UBN1: variants seen among roughly 807,000 people sequenced by gnomAD.
UBN1 encodes the protein ubinuclein 1.
A neutral mutation model predicts 108.5 loss-of-function variants in UBN1; 17 were observed. That is an observed-to-expected ratio of 0.16 (90% CI 0.11 to 0.24). The LOEUF is 0.24. Among genes scored for constraint, UBN1 ranks in the 10% least tolerant of loss-of-function variants. The pLI is 1.00. For missense variants in UBN1, 1,595 were observed against 1,394.4 expected (o/e 1.14, Z -2.29); for synonymous variants, 726 against 564.2 (o/e 1.29, Z -4.07).
intron 8 of UBN1, among the ~76,000 whole-genome samples, 177 bp downstream of exon 8, chr16:4,869,080 C>T (rs922828382): frequency 2.0e-5 from 3 of 152,178 alleles, no homozygotes; most frequent in African/African-American, 7.2e-5. Context: ...AAAATCAAAA[C>T]ACAACAGGGA....
intron 7 of UBN1, among the ~76,000 whole-genome samples, chr16:4,863,664 C>G (rs117606461): frequency 1.7e-3 from 252 of 152,184 alleles, no homozygotes; most frequent in Non-Finnish European, 3.1e-3. Flanking sequence ...TACATCTTGG[C>G]CCTAGGTGAC....
At chr16:4,863,587 C>A (rs1011553819) in intron 7 of UBN1, among the ~76,000 whole-genome samples, 1 of 152,094 alleles carries the variant, frequency 6.6e-6, no homozygotes, top group South Asian at 2.1e-4. Flanking sequence ...TTACGTGTTT[C>A]TCACTTTATT....
chr16:4,849,724 C>T (rs1481898688), intron 1 of UBN1, among the ~76,000 whole-genome samples: 4 of 151,536 alleles, frequency 2.6e-5, no homozygotes, highest in Non-Finnish European at 5.9e-5. Flanking sequence ...TCCTTAGTAG[C>T]CAAGACTACA....
chr16:4,870,862 A>G lies in UBN1; in HGVS notation c.1449A>G (p.Lys483=), dbSNP rs371408275. 4.3e-6 allele frequency: 7 copies of G among 1,613,882 alleles called. No homozygotes were observed. The highest frequency in any genetic ancestry group is 3.3e-5 in the Admixed American group (2 of 59,986). The part of the protein sequence containing the change: ...AKVAKMLEEE[K]DKEQRDRICS... ...CCCGTAGGATGCTGGAAGAGGAGAAAGACAAGGAGCAGAGGGACCGGATTT... is the reference window on the plus strand; with the variant it reads ...CCCGTAGGATGCTGGAAGAGGAGAAGGACAAGGAGCAGAGGGACCGGATTT... Residue 483 remains lysine (K), a synonymous_variant, in exon 11 of 18, where the codon AAA becomes AAG. Coordinates refer to ENST00000262376, the MANE Select transcript of UBN1 (RefSeq NM_001079514.3).
intron 2 of UBN1, among the ~76,000 whole-genome samples, chr16:4,856,363 A>G (rs1397398070): frequency 6.6e-6 from 1 of 152,236 alleles, no homozygotes; most frequent in Non-Finnish European, 1.5e-5. Flanking sequence ...AGTGTTAAAA[A>G]TACAATAAAA....
chr16:4,864,887 G>C (rs1246703633), intron 7 of UBN1, among the ~76,000 whole-genome samples: 1 of 152,028 alleles, frequency 6.6e-6, no homozygotes, highest in East Asian at 1.9e-4. Flanking sequence ...AAAACAACTT[G>C]TTTGATCTTT....
At position 4,877,461 on chromosome 16, in the gene UBN1, G is replaced by A. The variant is rs150536550; in HGVS notation, c.3342G>A (p.Pro1114=). The A allele has an allele frequency of 1.4e-4, 229 of 1,610,234 alleles. No homozygotes were observed. In the African/African-American group the frequency reaches 2.3e-3, roughly 16 times the overall value. The part of the protein sequence containing the change: ...LPHAAVPTHI[P]QSLPGASQLH... Reference sequence around the variant, plus strand: ...ACGCTGCGGTGCCCACCCATATCCCGCAGAGTCTGCCAGGTAATCACCCGA... The same window carrying A: ...ACGCTGCGGTGCCCACCCATATCCCACAGAGTCTGCCAGGTAATCACCCGA... Residue 1114 remains proline, a synonymous_variant, in exon 17 of 18, where the codon CCG becomes CCA. Coordinates refer to ENST00000262376, the MANE Select transcript of UBN1 (RefSeq NM_001079514.3). This position sits in a 1 kb window ranked among gnomAD's most constrained non-coding sequence, Gnocchi z 4.3.
Position 4,870,831 on chromosome 16 carries a change from A to C in UBN1, c.1431-13A>C, listed in dbSNP as rs59219971. On this transcript the variant is annotated splice_polypyrimidine_tract_variant and intron_variant, in intron 10 of 17. Transcript: ENST00000262376. The stretch of plus-strand genomic sequence containing the variant: ...GCACCTTGGGGCCCCATGTAATTCT[A>C]TTCACCCCGTAGGATGCTGGAAGAG... 9.5e-5 allele frequency: 154 copies of C among 1,613,002 alleles called. No individual in the cohort carries two copies. The African/African-American group carries it at 1.8e-3, about 18-fold the overall frequency.
intron 1 of UBN1, among the ~76,000 whole-genome samples, chr16:4,850,376 CAG>C (rs778150345): frequency 6.6e-6 from 1 of 152,190 alleles, no homozygotes; most frequent in African/African-American, 2.4e-5. Context: ...ACTGCCTGGA[CAG>C]GGGGAGTAGG....
chr16:4,857,065 G>C lies in UBN1; in HGVS notation c.250-925G>C, dbSNP rs188546273. ...AATTAGGATTCCTGGCTCCTGGCTG[G>C]GTGTGGTGGCTCTCGCCTGTAATCC... On this transcript the variant is annotated intron_variant, in intron 2 of 17. Coordinates refer to ENST00000262376, the MANE Select transcript of UBN1 (RefSeq NM_001079514.3). Among the ~76,000 whole-genome samples the C allele has an allele frequency of 3.3e-5, 5 of 152,192 alleles. No individual in the cohort carries two copies. The East Asian group carries it at 9.6e-4, about 29-fold the overall frequency.
chr16:4,860,599 G>A (rs974756691), intron 6 of UBN1, 65 bp from the exon 7 acceptor site: 3 of 1,494,810 alleles, frequency 2.0e-6, no homozygotes, highest in Non-Finnish European at 2.7e-6. Context: ...CAGGGGTGAA[G>A]GCCTCTGGAG....
At chr16:4,865,621 G>A (rs1312302229) in intron 7 of UBN1, among the ~76,000 whole-genome samples, 3 of 152,034 alleles carry the variant, frequency 2.0e-5, no homozygotes, top group Non-Finnish European at 4.4e-5. Flanking sequence ...TATGAGCTGC[G>A]ATCACGTCAC....
chr16:4,863,727 G>A (rs2087180417), intron 7 of UBN1, among the ~76,000 whole-genome samples: 1 of 152,098 alleles, frequency 6.6e-6, no homozygotes. Context: ...AATTTGCCTT[G>A]TCATAGCAGT....
At chr16:4,848,661 T>G (rs2086344101) in intron 1 of UBN1, among the ~76,000 whole-genome samples, 1 of 152,276 alleles carries the variant, frequency 6.6e-6, no homozygotes, top group Admixed American at 6.5e-5. Context: ...GACTGTCATT[T>G]ACTGCGTGTG....
chr16:4,851,729 G>A (rs2086567205), intron 1 of UBN1, among the ~76,000 whole-genome samples: 1 of 151,904 alleles, frequency 6.6e-6, no homozygotes, highest in Admixed American at 6.6e-5. Context: ...TTGAAGTGGT[G>A]AGAGGTTTGC....
rs932049246 is a variant in UBN1, at chr16:4,870,195, T to A, written c.1182-17T>A. 24 of 1,613,774 alleles carry A rather than the reference T, an allele frequency of 1.5e-5. No individual in the cohort carries two copies. Among genetic ancestry groups the A allele is most frequent in the Middle Eastern group, 1.6e-4 (1 of 6,082 alleles). On this transcript the variant is annotated splice_polypyrimidine_tract_variant and intron_variant, in intron 8 of 17. Transcript: ENST00000262376. Reference sequence around the variant, plus strand: ...GCAGTGAGCTGCAGCCGGTGGTGACTGTGTTTTGTTCTTCAGCATAGAGGC... The same window carrying A: ...GCAGTGAGCTGCAGCCGGTGGTGACAGTGTTTTGTTCTTCAGCATAGAGGC...
Position 4,881,302 on chromosome 16 carries a change from G to A in UBN1, c.*1170G>A, listed in dbSNP as rs2088069720. Reference sequence around the variant, plus strand: ...GTCCTGGGGCTCTCCAGGCAGTGGGGTTATGTGTCGACTGAAGGGTGATGT... The same window carrying A: ...GTCCTGGGGCTCTCCAGGCAGTGGGATTATGTGTCGACTGAAGGGTGATGT... On this transcript the variant is annotated 3_prime_UTR_variant, in exon 18 of 18. Transcript: ENST00000262376. The A allele has an allele frequency of 6.5e-6, 1 of 152,684 alleles. No homozygotes were observed. Among genetic ancestry groups the A allele is most frequent in the Non-Finnish European group, 1.5e-5 (1 of 68,136 alleles). The allele number at this position is 152,684 out of a possible 1,614,324, so 9.5% of individuals were successfully genotyped here.
chr16:4,874,685 G>A lies in UBN1; in HGVS notation c.2275G>A (p.Gly759Ser), dbSNP rs1351651471. 6.2e-7 allele frequency: 1 copy of A among 1,614,152 alleles called. No homozygotes were observed. The highest frequency in any genetic ancestry group is 8.5e-7 in the Non-Finnish European group (1 of 1,180,040). ...SSQEKKPESS[G>S]YKELSCQAPL... is the part of the protein sequence containing the mutation. ...TCAGGAGAAAAAACCAGAGAGTTCT[G>A]GCTACAAAGAGCTGTCCTGCCAGGC... Residue 759 changes from glycine to serine, a missense_variant, in exon 15 of 18, where the codon GGC (glycine) becomes AGC (serine). Around this residue, in one of 3 missense-constraint regions of UBN1, gnomAD observed 1,398 missense variants for 1,194.7 expected, o/e 1.17. Coordinates refer to ENST00000262376, the MANE Select transcript of UBN1 (RefSeq NM_001079514.3).
At chr16:4,857,713 C>G (rs1018727102) in intron 2 of UBN1, among the ~76,000 whole-genome samples, 1 of 152,220 alleles carries the variant, frequency 6.6e-6, no homozygotes, top group Non-Finnish European at 1.5e-5. Flanking sequence ...GACTGGGCAT[C>G]TCCTTCTAAA....
Sources: gnomAD v4.1 joint callset for allele counts (sites outside exome capture counted in the v4.1 genomes callset) on GRCh38, gnomAD v4.1.1 for gene constraint, gnomAD v4.1.1 regional missense constraint, Gnocchi (gnomAD v3.1) non-coding constraint, MANE v1.5 for transcripts, NCBI Gene and HGNC (gene_info 2026-07-23, HGNC 2026-07-21) for gene names.